The following C8orf34 variants were observed in gnomAD, a reference collection of about 807,000 sequenced individuals.
The protein encoded by C8orf34 is uncharacterized protein C8orf34.
C8orf34 carries 65 observed loss-of-function variants against 68.3 expected under a neutral mutation model. That is an observed-to-expected ratio of 0.95 (90% CI 0.78 to 1.17). C8orf34 has a LOEUF of 1.17. C8orf34 is among the 50% of genes most tolerant of loss of function. The pLI, the probability that C8orf34 is intolerant of heterozygous loss-of-function variation, is 0.00. For synonymous variants in C8orf34, 244 were observed against 241.2 expected (o/e 1.01, Z -0.11); for missense variants, 664 against 655.4 (o/e 1.01, Z -0.14).
At chr8:68,566,734 T>G (rs1816601734) in intron 7 of C8orf34, among the ~76,000 whole-genome samples, 1 of 152,228 alleles carries the variant, frequency 6.6e-6, no homozygotes, top group Non-Finnish European at 1.5e-5. Context: ...ATTTTCTTCA[T>G]ATCAGCAATA....
chr8:68,505,676 A>G (rs1285664527), intron 5 of C8orf34, among the ~76,000 whole-genome samples: 1 of 94,802 alleles, frequency 1.1e-5, no homozygotes, highest in Non-Finnish European at 1.9e-5. Flanking sequence ...GCTTGCCGTG[A>G]GCCGAGATTG....
At chr8:68,786,562 G>T (rs1057198915) in intron 11 of C8orf34, among the ~76,000 whole-genome samples, 1 of 152,204 alleles carries the variant, frequency 6.6e-6, no homozygotes, top group African/African-American at 2.4e-5. Context: ...TCCAGTAGAA[G>T]TGACTCCCGA....
At chr8:68,575,267 T>A (rs1816868715) in intron 7 of C8orf34, among the ~76,000 whole-genome samples, 1 of 152,120 alleles carries the variant, frequency 6.6e-6, no homozygotes, top group African/African-American at 2.4e-5. Flanking sequence ...AATAAAATTG[T>A]TGTATACCTA....
rs142157341 is a variant in C8orf34 at position 68,358,978 on chromosome 8, C to G, written c.327+27639C>G. Reference sequence around the variant, plus strand: ...CCTCCCAAAGTGCTGGGATTATAGGCGTGCACTCCCACAACTGGCCTATAT... The same window carrying G: ...CCTCCCAAAGTGCTGGGATTATAGGGGTGCACTCCCACAACTGGCCTATAT... On this transcript the variant is annotated intron_variant, in intron 1 of 13. Coordinates refer to ENST00000518698, the MANE Select transcript of C8orf34 (RefSeq NM_052958.4). 2.0e-5 allele frequency among the ~76,000 whole-genome samples: 3 copies of G among 152,080 alleles called. No individual in the cohort carries two copies. The South Asian group carries it at 6.2e-4, about 32-fold the overall frequency.
At chr8:68,641,125 A>T (rs1181437763) in intron 8 of C8orf34, among the ~76,000 whole-genome samples, 1 of 152,180 alleles carries the variant, frequency 6.6e-6, no homozygotes, top group Non-Finnish European at 1.5e-5. Context: ...AGAGGCTTTT[A>T]AGCCTGTTTA....
Position 68,709,015 on chromosome 8 carries a change from A to C in C8orf34, c.1263A>C (p.Glu421Asp). The change falls in exon 9 of 14, where the codon GAA (glutamate) becomes GAC (aspartate). Residue 421 changes from glutamate to aspartate, a missense_variant. Glu to Asp is a conservative substitution (Grantham distance 45). Coordinates refer to ENST00000518698, the MANE Select transcript of C8orf34 (RefSeq NM_052958.4). The part of the protein sequence containing the change: ...RCARLQGDNL[E>D]ERTEESLPIL... ...TTAGGCTTCAAGGAGACAACCTGGA[A>C]GAAAGGACAGAAGAGTCACTACCAA... is the stretch of plus-strand genomic sequence containing the variant. The C allele has an allele frequency of 6.2e-7, 1 of 1,601,668 alleles. No homozygotes were observed. The highest frequency in any genetic ancestry group is 8.5e-7 in the Non-Finnish European group (1 of 1,176,666).
intron 1 of C8orf34, among the ~76,000 whole-genome samples, chr8:68,347,729 T>C (rs560094302): frequency 6.6e-5 from 10 of 152,150 alleles, no homozygotes; most frequent in Non-Finnish European, 1.3e-4. Flanking sequence ...TGAGCTTTTT[T>C]TTTCATACAT....
upstream of C8orf34, chr8:68,330,826 C>T: frequency 1.9e-6 from 1 of 518,946 alleles, no homozygotes; most frequent in South Asian, 2.8e-5. Flanking sequence ...CGCACACACA[C>T]CGGTGGCGAG....
chr8:68,748,494 A>T (rs1661540034), intron 10 of C8orf34, among the ~76,000 whole-genome samples: 1 of 151,770 alleles, frequency 6.6e-6, no homozygotes, highest in African/African-American at 2.4e-5. Context: ...TCATCTGACA[A>T]AGGGCTAATA....
At chr8:68,613,443 T>TCCCC (rs141908753) in intron 7 of C8orf34, among the ~76,000 whole-genome samples, 8 of 130,134 alleles carry the variant, frequency 6.1e-5, no homozygotes, top group African/African-American at 2.0e-4. Flanking sequence ...TCCCTCCCCC[T>TCCCC]CCCCCCACAC....
intron 1 of C8orf34, among the ~76,000 whole-genome samples, chr8:68,394,252 C>A (rs1225226258): frequency 1.5e-5 from 2 of 129,394 alleles, no homozygotes; most frequent in Non-Finnish European, 3.2e-5. Flanking sequence ...CCCCACCCCA[C>A]AACAGTCCCC....
intron 1 of C8orf34, among the ~76,000 whole-genome samples, chr8:68,361,599 A>G (rs1807002453): frequency 1.3e-5 from 2 of 152,212 alleles, no homozygotes; most frequent in South Asian, 4.1e-4. Context: ...GCTTCCTTAC[A>G]TTTTCCATTT....
chr8:68,787,975 T>C (rs903229533), intron 12 of C8orf34, among the ~76,000 whole-genome samples: 1 of 152,198 alleles, frequency 6.6e-6, no homozygotes, highest in Non-Finnish European at 1.5e-5. Flanking sequence ...AACAAGTTAA[T>C]ATTATAAGAT....
intron 8 of C8orf34, among the ~76,000 whole-genome samples, chr8:68,651,265 C>T (rs1819350103): frequency 6.6e-6 from 1 of 152,160 alleles, no homozygotes; most frequent in Admixed American, 6.6e-5. Flanking sequence ...AGGTGATCTT[C>T]CTAGTCACAG....
chr8:68,494,798 G>T (rs1184029597), intron 5 of C8orf34, among the ~76,000 whole-genome samples: 1 of 151,866 alleles, frequency 6.6e-6, no homozygotes, highest in Non-Finnish European at 1.5e-5. Context: ...GGAGGTTGCA[G>T]TGAGCTGAGA....
intron 8 of C8orf34, among the ~76,000 whole-genome samples, chr8:68,644,598 G>T (rs545038452): frequency 6.6e-6 from 1 of 152,204 alleles, no homozygotes; most frequent in Non-Finnish European, 1.5e-5. Flanking sequence ...GCTAGAACAA[G>T]GATAAGCAAT....
At chr8:68,461,245 C>A (rs557456074) in intron 3 of C8orf34, among the ~76,000 whole-genome samples, 13 of 151,988 alleles carry the variant, frequency 8.6e-5, no homozygotes, top group South Asian at 2.1e-4. Context: ...TAGAGAAAAA[C>A]GAATAAAAAG....
chr8:68,489,070 C>T lies in C8orf34; in HGVS notation c.765+1019C>T, dbSNP rs567220400. Among the ~76,000 whole-genome samples, 46 of 151,876 alleles carry T rather than the reference C, an allele frequency of 3.0e-4. No individual in the cohort carries two copies. The South Asian group carries it at 6.4e-3, about 21-fold the overall frequency. On this transcript the variant is annotated intron_variant, in intron 5 of 13. Transcript: ENST00000518698. ...GGAAAAATACTTTTATTTTCTAAAA[C>T]AAGATGTTAGTAAGAAATTTGCATT... is the stretch of plus-strand genomic sequence containing the variant.
At chr8:68,574,876 C>T (rs1165041209) in intron 7 of C8orf34, among the ~76,000 whole-genome samples, 1 of 151,880 alleles carries the variant, frequency 6.6e-6, no homozygotes, top group African/African-American at 2.4e-5. Flanking sequence ...TCTCAGTAAA[C>T]ATGTCTTCTT....
Sources: gnomAD v4.1 joint callset for allele counts (sites outside exome capture counted in the v4.1 genomes callset) on GRCh38, gnomAD v4.1.1 for gene constraint, MANE v1.5 for transcripts, NCBI Gene and HGNC (gene_info 2026-07-23, HGNC 2026-07-21) for gene names.